The following TMEM266 variants were observed in gnomAD, a reference collection of about 807,000 sequenced individuals.
The protein encoded by TMEM266 is transmembrane protein 266.
Under a neutral mutation model 50.5 loss-of-function variants are expected in TMEM266, and 33 were observed. The ratio of observed to expected loss-of-function variants is 0.65; its 90% CI spans 0.50 to 0.87. The LOEUF is 0.87. Among genes scored for constraint, TMEM266 ranks in the 40% least tolerant of loss-of-function variants. The pLI, the probability that TMEM266 is intolerant of heterozygous loss-of-function variation, is 0.00. For synonymous variants in TMEM266, 310 were observed against 292.3 expected (o/e 1.06, Z -0.62); for missense variants, 655 against 695.1 (o/e 0.94, Z 0.65).
intron 8 of TMEM266, among the ~76,000 whole-genome samples, chr15:76,190,826 A>G (rs771152028): frequency 3.3e-5 from 5 of 152,128 alleles, no homozygotes; most frequent in Admixed American, 6.5e-5. Context: ...TTTGCGCGGC[A>G]TTGGTAAGTA....
intron 1 of TMEM266, among the ~76,000 whole-genome samples, chr15:76,095,069 T>A (rs1484492658): frequency 6.6e-6 from 1 of 152,076 alleles, no homozygotes; most frequent in Non-Finnish European, 1.5e-5. Flanking sequence ...ACAGAGACAA[T>A]TTGACTTCCT....
chr15:76,083,961 C>G (rs774761816), intron 1 of TMEM266, among the ~76,000 whole-genome samples: 11 of 152,038 alleles, frequency 7.2e-5, no homozygotes, highest in Non-Finnish European at 1.6e-4. Flanking sequence ...TATTGGAGCA[C>G]ACATTGTAGC....
intron 1 of TMEM266, among the ~76,000 whole-genome samples, chr15:76,124,985 A>AT (rs2037398292): frequency 6.6e-6 from 1 of 152,238 alleles, no homozygotes; most frequent in Admixed American, 6.5e-5. Context: ...TGGTCCTGGC[A>AT]TAAAAACAGG....
At chr15:76,095,396 A>G (rs1478908082) in intron 1 of TMEM266, among the ~76,000 whole-genome samples, 6 of 151,918 alleles carry the variant, frequency 3.9e-5, no homozygotes, top group Non-Finnish European at 8.8e-5. Context: ...CATTGGCTCC[A>G]TTTATGTGAT....
chr15:76,106,609 ATTTTATT>A (rs980556092), intron 1 of TMEM266, among the ~76,000 whole-genome samples: 7 of 151,700 alleles, frequency 4.6e-5, no homozygotes, highest in African/African-American at 1.7e-4. Flanking sequence ...TTGGCTAATT[ATTTTATT>A]TTTTATTTTT....
Position 76,192,064 on chromosome 15 carries a change from C to T in TMEM266, c.865C>T (p.Gln289Ter). The T allele has an allele frequency of 6.7e-7, 1 of 1,485,792 alleles. No individual in the cohort carries two copies. The highest frequency in any genetic ancestry group is 1.3e-5 in the South Asian group (1 of 75,266). 92.0% of individuals were successfully genotyped at this position (1,485,792 alleles called of 1,614,324 possible). A position where few individuals can be genotyped will look rare whatever the true frequency, so the allele number is the denominator to read the frequency against. The change falls in exon 9 of 11, where the codon CAG becomes TAG. Residue 289 changes from glutamine (Q) to a stop codon, truncating the protein, a stop_gained. Transcript: ENST00000388942. LOFTEE classifies it high-confidence loss of function. ...GCTCCAGGCCCCGCACGTGCTCAGCCAGCCGCGCAGCCGCTTCAAAGTGTT... is the reference window on the plus strand; with the variant it reads ...GCTCCAGGCCCCGCACGTGCTCAGCTAGCCGCGCAGCCGCTTCAAAGTGTT...
At chr15:76,105,123 A>G (rs2037061412) in intron 1 of TMEM266, among the ~76,000 whole-genome samples, 3 of 152,074 alleles carry the variant, frequency 2.0e-5, no homozygotes, top group Admixed American at 6.6e-5. Context: ...GCGCACACCT[A>G]TAATCCCAGC....
At position 76,183,969 on chromosome 15, in the gene TMEM266, C is replaced by G. The variant is rs546143501; in HGVS notation, c.769-7999C>G. Among the ~76,000 whole-genome samples the G allele has an allele frequency of 5.3e-5, 8 of 152,322 alleles. No homozygotes were observed. The East Asian group carries it at 1.2e-3, about 22-fold the overall frequency. ...GGCCCATCTCCCCATCCAGGCCTCT[C>G]GCTGGACCCCATTGTCCCCTGGTTT... On this transcript the variant is annotated intron_variant, in intron 8 of 10. Coordinates refer to ENST00000388942, the MANE Select transcript of TMEM266 (RefSeq NM_152335.3).
At position 76,167,506 on chromosome 15, in the gene TMEM266, G is replaced by A. The variant is rs1321431622; in HGVS notation, c.457-2310G>A. On this transcript the variant is annotated intron_variant, in intron 5 of 10. Transcript: ENST00000388942. ...AAAAGAAACCATATTATTATGTGGT[G>A]TGTGTGTGTGTTTTGGAGACAGGGT... Among the ~76,000 whole-genome samples the A allele has an allele frequency of 6.0e-5, 9 of 150,788 alleles. No individual in the cohort carries two copies. The South Asian group carries it at 1.5e-3, about 25-fold the overall frequency.
chr15:76,146,344 A>G (rs1475220316), intron 3 of TMEM266, among the ~76,000 whole-genome samples: 1 of 152,200 alleles, frequency 6.6e-6, no homozygotes, highest in Non-Finnish European at 1.5e-5. Context: ...TGTCAAAAAT[A>G]AAAATAAAGT....
At position 76,160,221 on chromosome 15, in the gene TMEM266, G is replaced by A. The variant is rs1310428256; in HGVS notation, c.456+53G>A. 1.0e-5 allele frequency: 16 copies of A among 1,544,474 alleles called. No homozygotes were observed. Among genetic ancestry groups the A allele is most frequent in the Admixed American group, 1.7e-5 (1 of 58,818 alleles). On this transcript the variant is annotated intron_variant, in intron 5 of 10. Coordinates refer to ENST00000388942, the MANE Select transcript of TMEM266 (RefSeq NM_152335.3). This position sits in a 1 kb window ranked among gnomAD's most constrained non-coding sequence, Gnocchi z 5.7. ...TCCTCTGTTGGGTGACTCCTGTCCTGGGGAAACCAAGGTCTACTTCTCGAA... is the reference window on the plus strand; with the variant it reads ...TCCTCTGTTGGGTGACTCCTGTCCTAGGGAAACCAAGGTCTACTTCTCGAA...
At position 76,069,557 on chromosome 15, in the gene TMEM266, A is replaced by G. The variant is rs373736843; in HGVS notation, c.-97+9541A>G. Among the ~76,000 whole-genome samples, 130 of 152,206 alleles carry G rather than the reference A, an allele frequency of 8.5e-4. 1 individual carries two copies. The highest frequency in any genetic ancestry group is 2.9e-3 in the African/African-American group (120 of 41,528). ...TGGTGGGCCGGGTGTGGTGGCTCAC[A>G]CCTGTAATCCCAGCATTTTGGGAGG... On this transcript the variant is annotated intron_variant, in intron 1 of 10. Coordinates refer to ENST00000388942, the MANE Select transcript of TMEM266 (RefSeq NM_152335.3).
At chr15:76,188,753 C>T (rs927377402) in intron 8 of TMEM266, among the ~76,000 whole-genome samples, 2 of 152,184 alleles carry the variant, frequency 1.3e-5, no homozygotes, top group African/African-American at 2.4e-5. Context: ...AACTACAATT[C>T]GAGATGAGAT....
intron 1 of TMEM266, among the ~76,000 whole-genome samples, chr15:76,098,106 T>C (rs1173178873): frequency 6.6e-6 from 1 of 152,096 alleles, no homozygotes; most frequent in African/African-American, 2.4e-5. Context: ...TTCTGTCAAT[T>C]CATCAAACTC....
chr15:76,203,040 G>A (rs1014643088), intron 10 of TMEM266, among the ~76,000 whole-genome samples: 3 of 152,020 alleles, frequency 2.0e-5, no homozygotes, highest in Non-Finnish European at 4.4e-5. Flanking sequence ...ACAACTTTGG[G>A]GAGAAACCTC....
At chr15:76,177,464 C>T (rs765336370) in intron 8 of TMEM266, among the ~76,000 whole-genome samples, 3 of 152,248 alleles carry the variant, frequency 2.0e-5, no homozygotes, top group African/African-American at 4.8e-5. Context: ...GGGAAATGTC[C>T]CCACAGGAAC....
chr15:76,108,866 G>T (rs1182182244), intron 1 of TMEM266, among the ~76,000 whole-genome samples: 2 of 152,112 alleles, frequency 1.3e-5, no homozygotes. Context: ...ATTAAATTCA[G>T]GGTACAAGTC....
At chr15:76,128,210 A>G (rs531893508) in intron 1 of TMEM266, among the ~76,000 whole-genome samples, 1 of 152,224 alleles carries the variant, frequency 6.6e-6, no homozygotes, top group East Asian at 1.9e-4. Context: ...AAAGCAGGTC[A>G]TGTGTGCCAT....
At chr15:76,080,836 T>A (rs888980947) in intron 1 of TMEM266, among the ~76,000 whole-genome samples, 1 of 151,892 alleles carries the variant, frequency 6.6e-6, no homozygotes, top group African/African-American at 2.4e-5. Flanking sequence ...AGCCTCAAAC[T>A]CCTGGGCTCA....
Sources: gnomAD v4.1 joint callset for allele counts (sites outside exome capture counted in the v4.1 genomes callset) on GRCh38, gnomAD v4.1.1 for gene constraint, Gnocchi (gnomAD v3.1) non-coding constraint, MANE v1.5 for transcripts, NCBI Gene and HGNC (gene_info 2026-07-23, HGNC 2026-07-21) for gene names.